ZNF250: variants seen among roughly 807,000 people sequenced by gnomAD.
ZNF250 encodes zinc finger protein 250.
Under a neutral mutation model 37.1 loss-of-function variants are expected in ZNF250, and 13 were observed. The observed-to-expected ratio is 0.35, with a 90% CI of 0.23 to 0.56. The LOEUF is 0.56. ZNF250 is among the 20% of genes least tolerant of loss of function. The pLI is 0.87. For synonymous variants in ZNF250, 251 were observed against 265.6 expected (o/e 0.94, Z 0.54); for missense variants, 474 against 697.9 (o/e 0.68, Z 3.61).
At position 144,882,354 on chromosome 8, in the gene ZNF250, G is replaced by C. The variant is rs1431262985; in HGVS notation, c.829C>G (p.Pro277Ala). 6.2e-7 allele frequency: 1 copy of C among 1,613,932 alleles called. No homozygotes were observed. The highest frequency in any genetic ancestry group is 1.1e-5 in the South Asian group (1 of 91,068). The change falls in exon 6 of 6, where the codon CCT becomes GCT. Residue 277 changes from proline (P) to alanine (A), a missense_variant. Pro to Ala is a conservative substitution (Grantham distance 27). Coordinates refer to ENST00000417550, the MANE Select transcript of ZNF250 (RefSeq NM_001109689.4). This position sits in a 1 kb window ranked among gnomAD's most constrained non-coding sequence, Gnocchi z 5.5. ...QHHKIHTGEK[P>A]HECLECRKAF... ...TTCCGACACTCAAGACATTCGTGAG[G>C]CTTCTCTCCTGTATGTATCTTGTGA... is the stretch of plus-strand genomic sequence containing the variant.
At position 144,878,945 on chromosome 8, in the gene ZNF250, T is replaced by C. The variant is rs1263994861; in HGVS notation, c.*2570A>G. The C allele has an allele frequency of 6.6e-6, 1 of 152,192 alleles. No individual in the cohort carries two copies. The highest frequency in any genetic ancestry group is 1.9e-4 in the East Asian group (1 of 5,196). 9.4% of individuals were successfully genotyped at this position (152,192 alleles called of 1,614,324 possible). A position where few individuals can be genotyped will look rare whatever the true frequency, so the allele number is the denominator to read the frequency against. On this transcript the variant is annotated 3_prime_UTR_variant, in exon 6 of 6. Transcript: ENST00000417550. The stretch of plus-strand genomic sequence containing the variant: ...TAACACCCAGTGATCTCACCTCCTC[T>C]CTGATGAAACACCTCAGTGTACTCA...
chr8:144,885,699 G>A (rs1436214267), intron 5 of ZNF250, among the ~76,000 whole-genome samples: 1 of 152,156 alleles, frequency 6.6e-6, no homozygotes, highest in African/African-American at 2.4e-5. Flanking sequence ...TTTTTAAACT[G>A]ATAGAAGTTT....
intron 1 of ZNF250, among the ~76,000 whole-genome samples, chr8:144,893,240 T>C (rs1176930600): frequency 3.9e-5 from 6 of 152,172 alleles, no homozygotes; most frequent in Non-Finnish European, 7.3e-5. Flanking sequence ...CTGGTCCCCC[T>C]GTCTGACATC....
Position 144,897,611 on chromosome 8 carries a change from G to A in ZNF250, c.-55+3788C>T, listed in dbSNP as rs1832807840. Among the ~76,000 whole-genome samples the A allele has an allele frequency of 6.6e-6, 1 of 152,158 alleles. No homozygotes were observed. Among genetic ancestry groups the A allele is most frequent in the Admixed American group, 6.5e-5 (1 of 15,272 alleles). On this transcript the variant is annotated intron_variant, in intron 1 of 5. Coordinates refer to ENST00000417550, the MANE Select transcript of ZNF250 (RefSeq NM_001109689.4). The surrounding 1 kb of genome is among the most constrained non-coding windows in gnomAD (Gnocchi z 5.2). ...GAGACCCTAACCCAGCGGCGCTAGA[G>A]GAATTAAAGACACACACACAGAAAT... is the stretch of plus-strand genomic sequence containing the variant.
At position 144,890,112 on chromosome 8, in the gene ZNF250, G is replaced by C. The variant is rs531682326; in HGVS notation, c.43-53C>G. On this transcript the variant is annotated intron_variant, in intron 2 of 5. Transcript: ENST00000417550. This position sits in a 1 kb window ranked among gnomAD's most constrained non-coding sequence, Gnocchi z 5.1. ...AAACCAAATCCTGATGTCTGTGATG[G>C]GGAGTGGGTGCATGTGACATGTGAC... 8.8e-6 allele frequency: 14 copies of C among 1,590,738 alleles called. 1 individual carries two copies. In the South Asian group the frequency reaches 1.6e-4, roughly 18 times the overall value.
intron 1 of ZNF250, among the ~76,000 whole-genome samples, chr8:144,898,693 A>G (rs1832887714): frequency 6.6e-6 from 1 of 152,258 alleles, no homozygotes; most frequent in African/African-American, 2.4e-5. Context: ...TATCCATCCG[A>G]TAAGGGATTA....
intron 5 of ZNF250, among the ~76,000 whole-genome samples, chr8:144,885,644 T>G (rs1775623851): frequency 6.6e-6 from 1 of 152,172 alleles, no homozygotes; most frequent in African/African-American, 2.4e-5. Context: ...TTAATTTTAT[T>G]TTGTAGTGTG....
chr8:144,899,215 A>G (rs1301681464), intron 1 of ZNF250, among the ~76,000 whole-genome samples: 1 of 151,964 alleles, frequency 6.6e-6, no homozygotes, highest in Non-Finnish European at 1.5e-5. Flanking sequence ...GATGATTACC[A>G]GAGGATGGGA....
chr8:144,890,490 CAG>C lies in ZNF250; in HGVS notation c.-54-89_-54-88del. ...CCTCAGGGGATCCCTGGGCCTCATTCAGAGTCACTGAGGGGCACACTGAGGTC... is the reference window on the plus strand; with the variant it reads ...CCTCAGGGGATCCCTGGGCCTCATTCAGTCACTGAGGGGCACACTGAGGTC... On this transcript the variant is annotated intron_variant, in intron 1 of 5. Coordinates refer to ENST00000417550, the MANE Select transcript of ZNF250 (RefSeq NM_001109689.4). This position sits in a 1 kb window ranked among gnomAD's most constrained non-coding sequence, Gnocchi z 5.1. The C allele has an allele frequency of 1.3e-6, 1 of 763,322 alleles. No homozygotes were observed. The highest frequency in any genetic ancestry group is 1.9e-6 in the Non-Finnish European group (1 of 514,474). 47.3% of individuals were successfully genotyped at this position (763,322 alleles called of 1,614,324 possible). A position where few individuals can be genotyped will look rare whatever the true frequency, so the allele number is the denominator to read the frequency against.
chr8:144,897,313 C>T lies in ZNF250; in HGVS notation c.-55+4086G>A, dbSNP rs187604651. On this transcript the variant is annotated intron_variant, in intron 1 of 5. Coordinates refer to ENST00000417550, the MANE Select transcript of ZNF250 (RefSeq NM_001109689.4). This position sits in a 1 kb window ranked among gnomAD's most constrained non-coding sequence, Gnocchi z 5.2. ...TCTTCATCACCAAGGAGCCCCTACC[C>T]GCTAGGGTGAAAGCACTTTCAAGAG... Among the ~76,000 whole-genome samples, 7 of 152,322 alleles carry T rather than the reference C, an allele frequency of 4.6e-5. No individual in the cohort carries two copies. In the South Asian group the frequency reaches 6.2e-4, roughly 14 times the overall value.
In ZNF250 at chr8:144,880,388, G is replaced by C. The variant is rs770615406; in HGVS notation, c.*1127C>G. 2.2e-6 allele frequency: 1 copy of C among 456,674 alleles called. No homozygotes were observed. Among genetic ancestry groups the C allele is most frequent in the South Asian group, 1.5e-5 (1 of 64,570 alleles). The allele number at this position is 456,674 out of a possible 1,614,324, so 28.3% of individuals were successfully genotyped here. ...ACTTGGTGTAACAGCTATGAGGTCT[G>C]CTGAGTGTGAAGCTCCCCTCCTTTG... On this transcript the variant is annotated 3_prime_UTR_variant, in exon 6 of 6. Coordinates refer to ENST00000417550, the MANE Select transcript of ZNF250 (RefSeq NM_001109689.4).
At position 144,890,366 on chromosome 8, in the gene ZNF250, G is replaced by A. The variant is rs555040744; in HGVS notation, c.-17C>T. On this transcript the variant is annotated 5_prime_UTR_variant, in exon 2 of 6. Coordinates refer to ENST00000417550, the MANE Select transcript of ZNF250 (RefSeq NM_001109689.4). The surrounding 1 kb of genome is among the most constrained non-coding windows in gnomAD (Gnocchi z 5.1). ...TGCTGCCATCACCTGGTCTCCTGGG[G>A]ACTCCGAGGATCACGGAAATTGAAG... 152 of 1,483,522 alleles carry A rather than the reference G, an allele frequency of 1.0e-4. 3 individuals are homozygous for A. The South Asian group carries it at 2.2e-3, about 21-fold the overall frequency. The allele number at this position is 1,483,522 out of a possible 1,614,324, so 91.9% of individuals were successfully genotyped here.
At position 144,890,914 on chromosome 8, in the gene ZNF250, A is replaced by G. The variant is rs554450941; in HGVS notation, c.-54-511T>C. On this transcript the variant is annotated intron_variant, in intron 1 of 5. Coordinates refer to ENST00000417550, the MANE Select transcript of ZNF250 (RefSeq NM_001109689.4). The surrounding 1 kb of genome is among the most constrained non-coding windows in gnomAD (Gnocchi z 5.1). ...ACCCTTAGGCAGCCCTAGTGCCCCA[A>G]TGTGGCACCAGGTTCAACCAGGTAT... is the stretch of plus-strand genomic sequence containing the variant. 4.4e-4 allele frequency among the ~76,000 whole-genome samples: 67 copies of G among 152,268 alleles called. No homozygotes were observed. The highest frequency in any genetic ancestry group is 1.6e-3 in the African/African-American group (65 of 41,562).
rs1014431732 is a variant in ZNF250, at chr8:144,883,185, A to G, written c.347-349T>C. On this transcript the variant is annotated intron_variant, in intron 5 of 5. Coordinates refer to ENST00000417550, the MANE Select transcript of ZNF250 (RefSeq NM_001109689.4). Reference sequence around the variant, plus strand: ...GGACAGAGCTGAAATACAGGCCCACATAATGTGGGTGCCTTGTGGGGCAGA... The same window carrying G: ...GGACAGAGCTGAAATACAGGCCCACGTAATGTGGGTGCCTTGTGGGGCAGA... Among the ~76,000 whole-genome samples, 20 of 152,246 alleles carry G rather than the reference A, an allele frequency of 1.3e-4. 1 individual carries two copies. Among genetic ancestry groups the G allele is most frequent in the Admixed American group, 1.2e-3 (19 of 15,298 alleles).
intron 5 of ZNF250, among the ~76,000 whole-genome samples, chr8:144,886,212 G>A (rs1831869137): frequency 6.6e-6 from 1 of 150,840 alleles, no homozygotes; most frequent in Non-Finnish European, 1.5e-5. Context: ...GGCTCATGCC[G>A]GTAATCCCAG....
In ZNF250 at chr8:144,877,184, C is replaced by G. The variant is rs1831180235; in HGVS notation, c.*4331G>C. ...ATCACAGCACACTAGTCTTGAACTC[C>G]CAATCAATCCTCCCACCTTAGCCTC... On this transcript the variant is annotated 3_prime_UTR_variant, in exon 6 of 6. Transcript: ENST00000417550. 1 of 152,168 alleles carries G rather than the reference C, an allele frequency of 6.6e-6. No individual in the cohort carries two copies. The highest frequency in any genetic ancestry group is 2.4e-5 in the African/African-American group (1 of 41,422). The allele number at this position is 152,168 out of a possible 1,614,324, so 9.4% of individuals were successfully genotyped here.
intron 1 of ZNF250, among the ~76,000 whole-genome samples, chr8:144,899,340 G>C (rs1047343904): frequency 3.9e-5 from 6 of 152,108 alleles, no homozygotes; most frequent in Non-Finnish European, 5.9e-5. Flanking sequence ...GATGACTACA[G>C]TTAATAATTT....
In ZNF250 at chr8:144,881,977, G is replaced by T; in HGVS notation, c.1206C>A (p.Arg402=). The T allele has an allele frequency of 2.5e-6, 4 of 1,613,648 alleles. No homozygotes were observed. The highest frequency in any genetic ancestry group is 3.4e-6 in the Non-Finnish European group (4 of 1,179,884). ...TCCGCTCGTGATTCATCAGTGTGGA[G>T]CGGTGGCTGAAGGTCTTCCCACACT... is the stretch of plus-strand genomic sequence containing the variant. ...CSECGKTFSH[R]STLMNHERIH... Residue 402 remains arginine, a synonymous_variant, in exon 6 of 6, where the codon CGC becomes CGA. Transcript: ENST00000417550.
chr8:144,889,968 A>T lies in ZNF250; in HGVS notation c.134T>A (p.Val45Glu). ...CPAQRGLYRN[V>E]MMETYGNVVS... The stretch of plus-strand genomic sequence containing the variant: ...TACATTCCCATAGGTTTCCATCATC[A>T]CATTTCTGTAGAGACCCCTCTGAGC... The change falls in exon 3 of 6, where the codon GTG becomes GAG. Residue 45 changes from valine (V) to glutamate (E), a missense_variant. Val to Glu is a moderately radical substitution (Grantham distance 121). Coordinates refer to ENST00000417550, the MANE Select transcript of ZNF250 (RefSeq NM_001109689.4). The T allele has an allele frequency of 6.2e-7, 1 of 1,611,294 alleles. No individual in the cohort carries two copies. The highest frequency in any genetic ancestry group is 8.5e-7 in the Non-Finnish European group (1 of 1,178,002).
Sources: gnomAD v4.1 joint callset for allele counts (sites outside exome capture counted in the v4.1 genomes callset) on GRCh38, gnomAD v4.1.1 for gene constraint, Gnocchi (gnomAD v3.1) non-coding constraint, MANE v1.5 for transcripts, NCBI Gene and HGNC (gene_info 2026-07-23, HGNC 2026-07-21) for gene names.